Variants in FBRSL1 observed in about 807,000 individuals in gnomAD.
FBRSL1 encodes fibrosin-1-like protein.
Under a neutral mutation model 89.6 loss-of-function variants are expected in FBRSL1, and 51 were observed. The ratio of observed to expected loss-of-function variants is 0.57; its 90% confidence interval spans 0.45 to 0.72. The LOEUF is 0.72. FBRSL1 is among the 30% of genes least tolerant of loss of function. FBRSL1 has a pLI of 0.00. For synonymous variants in FBRSL1, 779 were observed against 681.1 expected (o/e 1.14, Z -2.24); for missense variants, 1,618 against 1,451.8 (o/e 1.11, Z -1.86).
intron 14 of FBRSL1, 151 bp from the exon 15 acceptor site, chr12:132,576,648 C>T (rs559260835): frequency 2.3e-6 from 2 of 876,376 alleles, no homozygotes; most frequent in Admixed American, 3.3e-5. Context: ...TTTCCGTCAT[C>T]CTGAGTAGAG....
chr12:132,572,466 A>G, intron 10 of FBRSL1, 61 bp from the exon 11 acceptor site: 2 of 1,491,110 alleles, frequency 1.3e-6, no homozygotes, highest in Admixed American at 2.0e-5. Flanking sequence ...CCTTCTGGTT[A>G]CAGGCAGAGG....
intron 2 of FBRSL1, among the ~76,000 whole-genome samples, chr12:132,519,548 C>T (rs1173069952): frequency 6.6e-6 from 1 of 152,358 alleles, no homozygotes; most frequent in African/African-American, 2.4e-5. Flanking sequence ...AGTGCCACAC[C>T]TCACCAGTAG....
chr12:132,525,631 G>T (rs1329183100), intron 2 of FBRSL1, 103 bp from the exon 3 acceptor site: 2 of 924,446 alleles, frequency 2.2e-6, no homozygotes. Context: ...TGGGGCCGGG[G>T]TGCTGGGGTG....
intron 18 of FBRSL1, 53 bp downstream of exon 18, chr12:132,582,319 T>TC (rs1323044766): frequency 2.1e-6 from 3 of 1,456,080 alleles, no homozygotes; most frequent in Non-Finnish European, 2.8e-6. Flanking sequence ...CCCCGTTCTT[T>TC]CCCCCCTCCC....
intron 2 of FBRSL1, among the ~76,000 whole-genome samples, chr12:132,516,966 T>C (rs977548022): frequency 6.6e-5 from 10 of 152,220 alleles, no homozygotes; most frequent in African/African-American, 2.4e-4. Context: ...CATGATGATA[T>C]CGATTCCTGC....
intron 4 of FBRSL1, among the ~76,000 whole-genome samples, chr12:132,538,251 G>A (rs1045885561): frequency 3.3e-5 from 5 of 152,196 alleles, no homozygotes; most frequent in East Asian, 1.9e-4. Context: ...CGTTCTCGCC[G>A]ACGCAGGGCT....
intron 5 of FBRSL1, among the ~76,000 whole-genome samples, chr12:132,560,825 G>A (rs572841295): frequency 9.2e-5 from 14 of 152,368 alleles, no homozygotes; most frequent in African/African-American, 2.9e-4. Flanking sequence ...ACCCCACGCG[G>A]GCTAGGAGGC....
chr12:132,569,846 A>C, intron 6 of FBRSL1, 80 bp from the exon 7 acceptor site: 1 of 1,124,166 alleles, frequency 8.9e-7, no homozygotes, highest in Non-Finnish European at 1.2e-6. Context: ...GGCACCGGGC[A>C]CGTACCAGGG....
At chr12:132,541,350 C>T (rs2137204030) in intron 4 of FBRSL1, among the ~76,000 whole-genome samples, 1 of 152,342 alleles carries the variant, frequency 6.6e-6, no homozygotes, top group East Asian at 1.9e-4. Context: ...CCCTCAAGTG[C>T]CAGATTTGGG....
Position 132,576,925 on chromosome 12 carries a change from A to T in FBRSL1, c.1828A>T (p.Ser610Cys), listed in dbSNP as rs573907389. ...PQDLARPLFP[S>C]TGAAHPASNP... ...GGACCTGGCCCGGCCCCTCTTCCCC[A>T]GCACAGGTGAGACTGGAGTCGGGCC... Residue 610 changes from serine to cysteine, a missense_variant, in exon 15 of 19, where the codon AGC (serine) becomes TGC (cysteine). By Grantham distance (112) the Ser-to-Cys change is moderately radical. Transcript: ENST00000680143. 3 of 1,549,044 alleles carry T rather than the reference A, an allele frequency of 1.9e-6. No individual in the cohort carries two copies. In the East Asian group the frequency reaches 7.3e-5, roughly 38 times the overall value.
chr12:132,525,946 C>T (rs35341115), intron 3 of FBRSL1, 123 bp downstream of exon 3: 2 of 767,762 alleles, frequency 2.6e-6, no homozygotes, highest in South Asian at 1.8e-5. Context: ...ACAAGGGCGT[C>T]CAGTCCGAGT....
chr12:132,527,588 G>A (rs554540174), intron 3 of FBRSL1, among the ~76,000 whole-genome samples: 2 of 151,582 alleles, frequency 1.3e-5, no homozygotes, highest in East Asian at 1.9e-4. Flanking sequence ...TGAGGGCTGC[G>A]GGGCTGCGGG....
chr12:132,521,192 T>C (rs1277541999), intron 2 of FBRSL1, among the ~76,000 whole-genome samples: 1 of 152,210 alleles, frequency 6.6e-6, no homozygotes, highest in Non-Finnish European at 1.5e-5. Flanking sequence ...GGAGCCATGT[T>C]CTAGGGGCTC....
At chr12:132,530,806 C>T (rs1275317232) in intron 4 of FBRSL1, among the ~76,000 whole-genome samples, 1 of 151,798 alleles carries the variant, frequency 6.6e-6, no homozygotes, top group African/African-American at 2.4e-5. Flanking sequence ...CCGCAGGAGC[C>T]TGGGAGGACC....
chr12:132,495,772 C>T (rs549488186), intron 1 of FBRSL1, among the ~76,000 whole-genome samples: 1 of 152,322 alleles, frequency 6.6e-6, no homozygotes, highest in South Asian at 2.1e-4. Flanking sequence ...GCGTCGCTGG[C>T]CCCTCGGTCC....
rs927824548 is a variant in FBRSL1 at position 132,564,778 on chromosome 12, C to T, written c.646-2703C>T. ...CCGAGTAGCTGGGACTACAGGCGCC[C>T]GCCACCACGCCCGGCTAATTTTTTG... On this transcript the variant is annotated intron_variant, in intron 5 of 18. Transcript: ENST00000680143. Among the ~76,000 whole-genome samples, 14 of 111,020 alleles carry T rather than the reference C, an allele frequency of 1.3e-4. 1 individual carries two copies. The highest frequency in any genetic ancestry group is 1.9e-4 in the Non-Finnish European group (11 of 57,708). The allele number at this position is 111,020 out of a possible 152,430, so 72.8% of individuals were successfully genotyped here.
chr12:132,554,014 G>A (rs548535723), intron 5 of FBRSL1: 2 of 152,396 alleles, frequency 1.3e-5, no homozygotes, highest in East Asian at 1.9e-4. Flanking sequence ...AGCCTGGATC[G>A]TCCTGAGGGC....
At chr12:132,511,685 A>C in intron 2 of FBRSL1, 1 of 985,432 alleles carries the variant, frequency 1.0e-6, no homozygotes, top group Non-Finnish European at 1.2e-6. Flanking sequence ...AGGTGTCAGG[A>C]AGGGGATGGG....
At chr12:132,491,791 G>A (rs570154670) in intron 1 of FBRSL1, among the ~76,000 whole-genome samples, 2 of 152,262 alleles carry the variant, frequency 1.3e-5, no homozygotes, top group East Asian at 3.8e-4. Context: ...GGGGACTGTA[G>A]AGAGCCTTGG....
Sources: allele counts gnomAD v4.1 joint callset (sites outside exome capture counted in the v4.1 genomes callset), GRCh38; gene constraint gnomAD v4.1.1; transcripts MANE v1.5; gene names NCBI Gene and HGNC (gene_info 2026-07-23, HGNC 2026-07-21).